The following RNF144B variants were observed in gnomAD, a reference collection of about 807,000 sequenced individuals.
RNF144B encodes the protein ring finger protein 144B.
In RNF144B, 25 loss-of-function variants were observed where a neutral mutation model predicts 40.2. The ratio of observed to expected loss-of-function variants is 0.62; its 90% confidence interval spans 0.45 to 0.87. The LOEUF is 0.87. Among genes scored for constraint, RNF144B ranks in the 40% least tolerant of loss-of-function variants. The pLI is 0.00. For missense variants in RNF144B, 365 were observed against 373.7 expected (o/e 0.98, Z 0.19); for synonymous variants, 145 against 136.3 (o/e 1.06, Z -0.44).
rs1018370327 is a variant in RNF144B, at chr6:18,456,831, G to A, written c.332-324G>A. Among the ~76,000 whole-genome samples, 1 of 152,210 alleles carries A rather than the reference G, an allele frequency of 6.6e-6. No homozygotes were observed. The highest frequency in any genetic ancestry group is 2.4e-5 in the African/African-American group (1 of 41,444). ...AAATCCCAGCACTTTGGGAGGCCAAGGTAGGCAGATCACCTGGGGTCAGGA... is the reference window on the plus strand; with the variant it reads ...AAATCCCAGCACTTTGGGAGGCCAAAGTAGGCAGATCACCTGGGGTCAGGA... On this transcript the variant is annotated intron_variant, in intron 4 of 7. Transcript: ENST00000259939. This position sits in a 1 kb window ranked among gnomAD's most constrained non-coding sequence, Gnocchi z 4.7.
chr6:18,393,119 CAAAAA>C (rs10711336), intron 1 of RNF144B, among the ~76,000 whole-genome samples: 2 of 111,436 alleles, frequency 1.8e-5, no homozygotes, highest in African/African-American at 3.4e-5. Context: ...GACTCCATCT[CAAAAA>C]AAAAAAAAAA....
chr6:18,421,271 TATACACACACACACACAC>T (rs71791012), intron 2 of RNF144B, among the ~76,000 whole-genome samples: 10,234 of 130,930 alleles, frequency 0.078, 539 homozygotes, highest in South Asian at 0.21. Flanking sequence ...AATTATATAT[TATACACACACACACACAC>T]ACACACACAC....
chr6:18,411,478 TATATATATATA>T (rs1795035168), intron 2 of RNF144B, among the ~76,000 whole-genome samples: 5 of 42,318 alleles, frequency 1.2e-4, no homozygotes, highest in Admixed American at 3.0e-4. Context: ...TATATATATA[TATATATATATA>T]TATATATATT....
chr6:18,388,101 A>G (rs1582391305), intron 1 of RNF144B, among the ~76,000 whole-genome samples: 1 of 152,260 alleles, frequency 6.6e-6, no homozygotes, highest in African/African-American at 2.4e-5. Context: ...TATTCTTTCT[A>G]AAACACCTTT....
At chr6:18,429,716 G>A (rs1758650252) in intron 3 of RNF144B, among the ~76,000 whole-genome samples, 1 of 152,162 alleles carries the variant, frequency 6.6e-6, no homozygotes, top group Admixed American at 6.6e-5. Context: ...TTTTTAAAAT[G>A]AGTCTTGGGT....
At chr6:18,413,872 G>A (rs1301433482) in intron 2 of RNF144B, among the ~76,000 whole-genome samples, 1 of 152,142 alleles carries the variant, frequency 6.6e-6, no homozygotes, top group African/African-American at 2.4e-5. Flanking sequence ...TTTTAATATG[G>A]AATGATGTCT....
chr6:18,464,871 A>C lies in RNF144B; in HGVS notation c.772-56A>C. On this transcript the variant is annotated intron_variant, in intron 7 of 7. Transcript: ENST00000259939. The surrounding 1 kb of genome is among the most constrained non-coding windows in gnomAD (Gnocchi z 6.1). Reference sequence around the variant, plus strand: ...AGCAGATAACAGTATAGTTGGAATAAGTATACATATTGAAAGACTTAATTG... The same window carrying C: ...AGCAGATAACAGTATAGTTGGAATACGTATACATATTGAAAGACTTAATTG... 1 of 1,551,738 alleles carries C rather than the reference A, an allele frequency of 6.4e-7. No individual in the cohort carries two copies.
intron 1 of RNF144B, among the ~76,000 whole-genome samples, chr6:18,397,592 G>GT (rs989507140): frequency 2.0e-5 from 3 of 152,020 alleles, no homozygotes; most frequent in South Asian, 2.1e-4. Flanking sequence ...TTTGGCTGTA[G>GT]TTTTTATTTT....
intron 4 of RNF144B, among the ~76,000 whole-genome samples, chr6:18,449,311 C>G (rs1177720951): frequency 6.6e-6 from 1 of 152,196 alleles, no homozygotes; most frequent in Admixed American, 6.5e-5. Context: ...TAAAAATGTG[C>G]AGCTGTCAGT....
rs1795146017 is a variant in RNF144B at position 18,416,175 on chromosome 6, C to T, written c.166-11406C>T. Among the ~76,000 whole-genome samples, 1 of 152,154 alleles carries T rather than the reference C, an allele frequency of 6.6e-6. No individual in the cohort carries two copies. The highest frequency in any genetic ancestry group is 1.5e-5 in the Non-Finnish European group (1 of 68,036). On this transcript the variant is annotated intron_variant, in intron 2 of 7. Coordinates refer to ENST00000259939, the MANE Select transcript of RNF144B (RefSeq NM_182757.4). This position sits in a 1 kb window ranked among gnomAD's most constrained non-coding sequence, Gnocchi z 5.5. ...GAGCATACTGTGTCATAAGATAGCACCTGGGCCAGAGGGATCTCTTTGGGA... is the reference window on the plus strand; with the variant it reads ...GAGCATACTGTGTCATAAGATAGCATCTGGGCCAGAGGGATCTCTTTGGGA...
intron 2 of RNF144B, among the ~76,000 whole-genome samples, chr6:18,401,253 C>T (rs1794797245): frequency 6.6e-6 from 1 of 152,178 alleles, no homozygotes; most frequent in African/African-American, 2.4e-5. Flanking sequence ...AGGGAGCTAA[C>T]ACTGTCCTGT....
chr6:18,390,170 G>T (rs1794552265), intron 1 of RNF144B, among the ~76,000 whole-genome samples: 1 of 152,188 alleles, frequency 6.6e-6, no homozygotes, highest in Admixed American at 6.5e-5. Context: ...TTCGATGTTT[G>T]TCACCTCGAT....
At position 18,460,554 on chromosome 6, in the gene RNF144B, G is replaced by T. The variant is rs1469135356; in HGVS notation, c.681+803G>T. ...ATTTTTTCTTCGTTTTGAATTTAAA[G>T]AAAAATGGTTCAAATCAATGGTGTC... is the stretch of plus-strand genomic sequence containing the variant. On this transcript the variant is annotated intron_variant, in intron 6 of 7. Transcript: ENST00000259939. This position sits in a 1 kb window ranked among gnomAD's most constrained non-coding sequence, Gnocchi z 4.4. Among the ~76,000 whole-genome samples the T allele has an allele frequency of 6.6e-6, 1 of 152,064 alleles. No homozygotes were observed. The highest frequency in any genetic ancestry group is 1.5e-5 in the Non-Finnish European group (1 of 68,014).
At position 18,450,535 on chromosome 6, in the gene RNF144B, G is replaced by T. The variant is rs908472788; in HGVS notation, c.332-6620G>T. Reference sequence around the variant, plus strand: ...GCTGGTCTCGAACTCCTGACCTCAGGTGATCCACCCACCTCGGCCTCCCAA... The same window carrying T: ...GCTGGTCTCGAACTCCTGACCTCAGTTGATCCACCCACCTCGGCCTCCCAA... On this transcript the variant is annotated intron_variant, in intron 4 of 7. Coordinates refer to ENST00000259939, the MANE Select transcript of RNF144B (RefSeq NM_182757.4). This position sits in a 1 kb window ranked among gnomAD's most constrained non-coding sequence, Gnocchi z 4.7. Among the ~76,000 whole-genome samples the T allele has an allele frequency of 5.3e-5, 8 of 152,122 alleles. No individual in the cohort carries two copies. Among genetic ancestry groups the T allele is most frequent in the Admixed American group, 1.3e-4 (2 of 15,280 alleles).
Position 18,464,946 on chromosome 6 carries a change from G to A in RNF144B, c.791G>A (p.Gly264Asp). ...NRTQVVGILV[G>D]LGIIALVTSP... is the part of the protein sequence containing the mutation. ...TTCCAGGTGGTGGGGATTCTCGTAG[G>A]CTTGGGCATCATTGCCTTGGTTACT... Residue 264 changes from glycine to aspartate, a missense_variant, in exon 8 of 8, where the codon GGC becomes GAC. Physicochemically the swap from Gly to Asp is moderately conservative, Grantham distance 94. Transcript: ENST00000259939. The surrounding 1 kb of genome is among the most constrained non-coding windows in gnomAD (Gnocchi z 6.1). 2 of 1,613,986 alleles carry A rather than the reference G, an allele frequency of 1.2e-6. No individual in the cohort carries two copies. Among genetic ancestry groups the A allele is most frequent in the Non-Finnish European group, 1.7e-6 (2 of 1,179,944 alleles).
intron 3 of RNF144B, among the ~76,000 whole-genome samples, chr6:18,436,757 GC>G (rs547785264): frequency 1.8e-4 from 27 of 152,208 alleles, no homozygotes; most frequent in Non-Finnish European, 3.2e-4. Context: ...TTTACCTGCA[GC>G]CTGATTTAGT....
rs910282954 is a variant in RNF144B at position 18,406,234 on chromosome 6, T to C, written c.165+6535T>C. 8.0e-6 allele frequency: 4 copies of C among 501,054 alleles called. No individual in the cohort carries two copies. Among genetic ancestry groups the C allele is most frequent in the Non-Finnish European group, 4.0e-6 (1 of 250,836 alleles). 31.0% of individuals were successfully genotyped at this position (501,054 alleles called of 1,614,324 possible). ...CTATGGAAAAATAGGGTGAGGGGGG[T>C]CAGGAGTGCTGTGGGGAAGAGGGAC... is the stretch of plus-strand genomic sequence containing the variant. On this transcript the variant is annotated intron_variant, in intron 2 of 7. Coordinates refer to ENST00000259939, the MANE Select transcript of RNF144B (RefSeq NM_182757.4). The surrounding 1 kb of genome is among the most constrained non-coding windows in gnomAD (Gnocchi z 4.2).
In RNF144B at chr6:18,445,978, G is replaced by T. The variant is rs182323220; in HGVS notation, c.331+6234G>T. 3.3e-5 allele frequency among the ~76,000 whole-genome samples: 5 copies of T among 152,326 alleles called. 1 individual carries two copies. The highest frequency in any genetic ancestry group is 2.6e-4 in the Admixed American group (4 of 15,298). ...TTGAAAAAAATATCCTGTGACTCCT[G>T]TGGGCACTCCACTTTGTCTCAAATT... On this transcript the variant is annotated intron_variant, in intron 4 of 7. Coordinates refer to ENST00000259939, the MANE Select transcript of RNF144B (RefSeq NM_182757.4).
At chr6:18,451,013 T>C (rs1759198492) in intron 4 of RNF144B, among the ~76,000 whole-genome samples, 1 of 152,230 alleles carries the variant, frequency 6.6e-6, no homozygotes, top group African/African-American at 2.4e-5. Context: ...TTTGGATATT[T>C]GGATAAAAAA....
Sources: allele counts gnomAD v4.1 joint callset (sites outside exome capture counted in the v4.1 genomes callset), GRCh38; gene constraint gnomAD v4.1.1; non-coding constraint Gnocchi (gnomAD v3.1); transcripts MANE v1.5; gene names NCBI Gene and HGNC (gene_info 2026-07-23, HGNC 2026-07-21).